The following CERS6 variants were observed in gnomAD, a reference collection of about 807,000 sequenced individuals.
CERS6 encodes ceramide synthase 6.
A neutral mutation model predicts 56.8 loss-of-function variants in CERS6; 26 were observed. That is an observed-to-expected ratio of 0.46 (90% confidence interval 0.34 to 0.63). The LOEUF (loss-of-function observed/expected upper bound fraction) is 0.63, where lower values mean the gene tolerates loss of function less well. CERS6 is among the 30% of genes least tolerant of loss of function. CERS6 has a pLI of 0.01. For missense variants in CERS6, 415 were observed against 467.5 expected, an observed-to-expected ratio of 0.89 and a Z score of 1.04; for synonymous variants, 164 against 173.3, an observed-to-expected ratio of 0.95 and a Z score of 0.42.
chr2:168,713,284 A>G (rs912358636), intron 6 of CERS6, among the ~76,000 whole-genome samples: 2 of 152,174 alleles, frequency 1.3e-5, no homozygotes, highest in African/African-American at 4.8e-5. Context: ...GTTTTCGGAT[A>G]TGCTTTTCAT....
At chr2:168,715,253 C>A in intron 7 of CERS6, 124 bp downstream of exon 7, 1 of 667,416 alleles carries the variant, frequency 1.5e-6, no homozygotes, top group Non-Finnish European at 2.3e-6. Flanking sequence ...TACATTGAAA[C>A]TGCAGAGTGT....
intron 4 of CERS6, among the ~76,000 whole-genome samples, chr2:168,652,609 T>C (rs1373111582): frequency 1.3e-5 from 2 of 151,098 alleles, no homozygotes; most frequent in Non-Finnish European, 2.9e-5. Context: ...AATGAATTGT[T>C]GTTTTTTTTT....
chr2:168,466,138 T>G (rs544237160), intron 1 of CERS6, among the ~76,000 whole-genome samples: 1 of 152,034 alleles, frequency 6.6e-6, no homozygotes, highest in Admixed American at 6.5e-5. Context: ...CCCAGAGAGC[T>G]CTTAAGTATC....
At chr2:168,589,790 T>C (rs1328823801) in intron 3 of CERS6, among the ~76,000 whole-genome samples, 1 of 152,240 alleles carries the variant, frequency 6.6e-6, no homozygotes, top group East Asian at 1.9e-4. Context: ...GAAATTTAAC[T>C]TGCTAATTAT....
intron 3 of CERS6, among the ~76,000 whole-genome samples, chr2:168,624,699 C>T (rs1684550288): frequency 6.6e-6 from 1 of 152,134 alleles, no homozygotes; most frequent in Non-Finnish European, 1.5e-5. Flanking sequence ...TACTTCATGT[C>T]CAAACTTTGT....
At position 168,602,543 on chromosome 2, in the gene CERS6, A is replaced by G. The variant is rs150351021; in HGVS notation, c.408-28442A>G. Among the ~76,000 whole-genome samples, 316 of 152,366 alleles carry G rather than the reference A, an allele frequency of 2.1e-3. 2 individuals are homozygous for G. The highest frequency in any genetic ancestry group is 7.0e-3 in the African/African-American group (292 of 41,584). On this transcript the variant is annotated intron_variant, in intron 3 of 9. Coordinates refer to ENST00000305747, the MANE Select transcript of CERS6 (RefSeq NM_203463.3). ...ATTACATTTTGGAGCAGCCAGAATT[A>G]TGCAGTGTTAGTATTCAGAGAGTTT... is the stretch of plus-strand genomic sequence containing the variant.
Position 168,617,583 on chromosome 2 carries a change from A to T in CERS6, c.408-13402A>T, listed in dbSNP as rs963849866. 2.0e-5 allele frequency among the ~76,000 whole-genome samples: 3 copies of T among 152,202 alleles called. No individual in the cohort carries two copies. In the East Asian group the frequency reaches 5.8e-4, roughly 29 times the overall value. Reference sequence around the variant, plus strand: ...TGACACTACAGAAATACAAAAGATCATTCAAGGCTACTATAAACACCTCTA... The same window carrying T: ...TGACACTACAGAAATACAAAAGATCTTTCAAGGCTACTATAAACACCTCTA... On this transcript the variant is annotated intron_variant, in intron 3 of 9. Coordinates refer to ENST00000305747, the MANE Select transcript of CERS6 (RefSeq NM_203463.3).
chr2:168,605,044 A>G (rs1393475054), intron 3 of CERS6, among the ~76,000 whole-genome samples: 1 of 152,218 alleles, frequency 6.6e-6, no homozygotes, highest in African/African-American at 2.4e-5. Flanking sequence ...ACCCAGTTCA[A>G]CAAGTCACAG....
chr2:168,713,460 A>C (rs1374108010), intron 6 of CERS6, among the ~76,000 whole-genome samples: 1 of 152,176 alleles, frequency 6.6e-6, no homozygotes, highest in East Asian at 1.9e-4. Context: ...TGAGAGAGAT[A>C]TATAGATTAG....
intron 1 of CERS6, among the ~76,000 whole-genome samples, chr2:168,494,077 G>A (rs192639701): frequency 5.3e-5 from 8 of 152,198 alleles, no homozygotes; most frequent in African/African-American, 1.9e-4. Context: ...AGGAATCGTC[G>A]AGGGCTCAGG....
At chr2:168,718,060 T>TTTTCCTTTTG in intron 8 of CERS6, 82 bp downstream of exon 8, 1 of 984,768 alleles carries the variant, frequency 1.0e-6, no homozygotes, top group Non-Finnish European at 1.6e-6. Context: ...AATTTTACTG[T>TTTTCCTTTTG]AAGTATTTAC....
At chr2:168,617,478 C>A (rs115528984) in intron 3 of CERS6, among the ~76,000 whole-genome samples, 1 of 151,944 alleles carries the variant, frequency 6.6e-6, no homozygotes, top group Non-Finnish European at 1.5e-5. Flanking sequence ...AATTAATAGA[C>A]CATTAGCAAG....
chr2:168,698,162 G>A (rs925837051), intron 6 of CERS6, among the ~76,000 whole-genome samples: 1 of 138,272 alleles, frequency 7.2e-6, no homozygotes, highest in African/African-American at 2.6e-5. Flanking sequence ...CAGATATGGT[G>A]TTGTGCACCA....
Position 168,645,189 on chromosome 2 carries a change from A to T in CERS6, c.465+14147A>T, listed in dbSNP as rs1206986665. Among the ~76,000 whole-genome samples the T allele has an allele frequency of 1.5e-3, 131 of 85,006 alleles. 1 individual carries two copies. Among genetic ancestry groups the T allele is most frequent in the African/African-American group, 5.6e-3 (102 of 18,284 alleles). 55.8% of individuals were successfully genotyped at this position (85,006 alleles called of 152,430 possible). ...GAGAGAGAGAGAGAGAGAGAGAGAGAGTAACTTCTAAAAGGGGAGAAAAGA... is the reference window on the plus strand; with the variant it reads ...GAGAGAGAGAGAGAGAGAGAGAGAGTGTAACTTCTAAAAGGGGAGAAAAGA... On this transcript the variant is annotated intron_variant, in intron 4 of 9. Transcript: ENST00000305747.
chr2:168,456,457 G>A lies in CERS6; in HGVS notation c.9G>A (p.Gly3=). 6.2e-7 allele frequency: 1 copy of A among 1,613,442 alleles called. No individual in the cohort carries two copies. Among genetic ancestry groups the A allele is most frequent in the Non-Finnish European group, 8.5e-7 (1 of 1,179,584 alleles). The part of the protein sequence containing the change: MA[G]ILAWFWNERF... ...GGAGTGGACAAAGCAAGATGGCAGG[G>A]ATCTTAGCCTGGTTCTGGAACGAGA... Residue 3 remains glycine (G), a synonymous_variant, in exon 1 of 10, where the codon GGG becomes GGA. Coordinates refer to ENST00000305747, the MANE Select transcript of CERS6 (RefSeq NM_203463.3). This position sits in a 1 kb window ranked among gnomAD's most constrained non-coding sequence, Gnocchi z 4.1.
At chr2:168,474,435 C>G (rs1483325733) in intron 1 of CERS6, among the ~76,000 whole-genome samples, 1 of 152,160 alleles carries the variant, frequency 6.6e-6, no homozygotes, top group Non-Finnish European at 1.5e-5. Flanking sequence ...AAAAATTATA[C>G]CAATTGACAT....
At chr2:168,473,676 A>G (rs751874440) in intron 1 of CERS6, among the ~76,000 whole-genome samples, 2 of 152,292 alleles carry the variant, frequency 1.3e-5, no homozygotes, top group Non-Finnish European at 2.9e-5. Context: ...GTTATTTTAA[A>G]AATTACTAAT....
At chr2:168,652,677 T>C (rs1169108290) in intron 4 of CERS6, among the ~76,000 whole-genome samples, 1 of 151,648 alleles carries the variant, frequency 6.6e-6, no homozygotes, top group Non-Finnish European at 1.5e-5. Flanking sequence ...TATTTGCAAG[T>C]AGGAAAAATA....
intron 8 of CERS6, among the ~76,000 whole-genome samples, chr2:168,734,423 C>T (rs1241408375): frequency 2.6e-5 from 4 of 152,176 alleles, no homozygotes; most frequent in Non-Finnish European, 5.9e-5. Flanking sequence ...CTGAGCGGCA[C>T]ATGTCCTTGG....
Sources: gnomAD v4.1 joint callset for allele counts (sites outside exome capture counted in the v4.1 genomes callset) on GRCh38, gnomAD v4.1.1 for gene constraint, Gnocchi (gnomAD v3.1) non-coding constraint, MANE v1.5 for transcripts, NCBI Gene and HGNC (gene_info 2026-07-23, HGNC 2026-07-21) for gene names.